The following ZNF667 variants were observed in gnomAD, a reference collection of about 807,000 sequenced individuals.
The protein encoded by ZNF667 is zinc finger protein 667.
ZNF667 carries 13 observed loss-of-function variants against 31.8 expected under a neutral mutation model. That is an observed-to-expected ratio of 0.41 (90% confidence interval 0.27 to 0.65). ZNF667 has a LOEUF of 0.65. Ranked by LOEUF, ZNF667 falls within the 30% of genes least tolerant of loss-of-function variation. The pLI is 0.32. For missense variants in ZNF667, 642 were observed against 725.6 expected, an observed-to-expected ratio of 0.88 and a Z score of 1.32; for synonymous variants, 228 against 247.1, an observed-to-expected ratio of 0.92 and a Z score of 0.73.
At chr19:56,461,628 C>A (rs765952258) in intron 4 of ZNF667, among the ~76,000 whole-genome samples, 8 of 152,176 alleles carry the variant, frequency 5.3e-5, no homozygotes, top group Non-Finnish European at 1.0e-4. Context: ...TAAACACGTG[C>A]TGTTTTGAGC....
chr19:56,449,632 A>G (rs1227648405), intron 6 of ZNF667: 1 of 168,500 alleles, frequency 5.9e-6, no homozygotes, highest in Non-Finnish European at 1.3e-5. Context: ...CAGTGAGCCG[A>G]GATCATGCCA....
At chr19:56,469,925 G>T in intron 3 of ZNF667, 2 of 493,916 alleles carry the variant, frequency 4.0e-6, no homozygotes, top group South Asian at 1.5e-5. Flanking sequence ...CACTAAACCG[G>T]GGTAGGGGTA....
intron 4 of ZNF667, among the ~76,000 whole-genome samples, chr19:56,461,526 T>C (rs1275386737): frequency 6.6e-6 from 1 of 152,216 alleles, no homozygotes; most frequent in African/African-American, 2.4e-5. Context: ...CACAGCCGGC[T>C]GACACCTTGA....
chr19:56,452,116 T>G (rs1287440852), intron 6 of ZNF667, among the ~76,000 whole-genome samples: 2 of 151,840 alleles, frequency 1.3e-5, no homozygotes, highest in Admixed American at 1.3e-4. Flanking sequence ...TGGCGCGATC[T>G]TGGCTCACTG....
At chr19:56,452,545 A>G (rs2042853021) in intron 6 of ZNF667, among the ~76,000 whole-genome samples, 1 of 152,186 alleles carries the variant, frequency 6.6e-6, no homozygotes, top group South Asian at 2.1e-4. Context: ...CTAGAAAACC[A>G]AGAGCAAACC....
At chr19:56,460,030 C>T (rs749256552) in intron 5 of ZNF667, among the ~76,000 whole-genome samples, 19 of 151,986 alleles carry the variant, frequency 1.3e-4, no homozygotes, top group Non-Finnish European at 2.4e-4. Flanking sequence ...TCAAGAGTTA[C>T]CTACAGAGTT....
At chr19:56,477,821 G>A (rs935330819), upstream of ZNF667, 2 of 152,404 alleles carry the variant, frequency 1.3e-5, no homozygotes, top group Non-Finnish European at 2.9e-5. Flanking sequence ...CACCCGCGGA[G>A]GCGGACACCG....
At chr19:56,451,868 CAAAAAAAAAAAAAAAAA>C (rs71184363) in intron 6 of ZNF667, among the ~76,000 whole-genome samples, 16 of 80,948 alleles carry the variant, frequency 2.0e-4, no homozygotes, top group East Asian at 8.7e-4. Flanking sequence ...GACCCTGTCT[CAAAAAAAAAAAAAAAAA>C]AAAAAAAAAA....
intron 6 of ZNF667, among the ~76,000 whole-genome samples, chr19:56,448,702 G>A (rs2042757382): frequency 6.6e-6 from 1 of 151,820 alleles, no homozygotes; most frequent in Non-Finnish European, 1.5e-5. Flanking sequence ...TCCTGGACAA[G>A]ATTTCTAGAC....
intron 1 of ZNF667, chr19:56,474,685 T>G (rs1159567660): frequency 6.6e-6 from 1 of 152,508 alleles, no homozygotes; most frequent in Non-Finnish European, 1.5e-5. Flanking sequence ...GAGCCTGAGC[T>G]GCAGGCACTC....
intron 3 of ZNF667, among the ~76,000 whole-genome samples, chr19:56,467,390 A>G (rs904187494): frequency 3.9e-5 from 6 of 152,198 alleles, no homozygotes; most frequent in African/African-American, 1.4e-4. Flanking sequence ...AATGGAAAAC[A>G]CACAAACCAT....
chr19:56,461,146 C>T (rs1056859129), intron 4 of ZNF667, among the ~76,000 whole-genome samples: 4 of 152,074 alleles, frequency 2.6e-5, no homozygotes, highest in South Asian at 2.1e-4. Flanking sequence ...GCACTGTCAG[C>T]GGAATCACAG....
chr19:56,444,384 T>C, intron 6 of ZNF667: 1 of 395,564 alleles, frequency 2.5e-6, no homozygotes. Context: ...TCAGATTTTG[T>C]AAGAATCACT....
intron 4 of ZNF667, 74 bp downstream of exon 4, chr19:56,462,264 G>A (rs985214130): frequency 6.3e-7 from 1 of 1,581,798 alleles, no homozygotes; most frequent in Non-Finnish European, 8.7e-7. Context: ...AAGTCTCCAT[G>A]GAAGGAAAGC....
intron 6 of ZNF667, chr19:56,444,126 T>A (rs2042674373): frequency 5.0e-6 from 2 of 397,924 alleles, no homozygotes; most frequent in Admixed American, 4.4e-5. Flanking sequence ...TAAAATTAAT[T>A]TTACCTGTTT....
intron 6 of ZNF667, among the ~76,000 whole-genome samples, chr19:56,447,028 A>G (rs2042723236): frequency 6.6e-6 from 1 of 152,208 alleles, no homozygotes; most frequent in Non-Finnish European, 1.5e-5. Flanking sequence ...AATTAGTTCA[A>G]TATAAAGTAC....
At chr19:56,452,135 G>A (rs527992027) in intron 6 of ZNF667, among the ~76,000 whole-genome samples, 56 of 149,904 alleles carry the variant, frequency 3.7e-4, no homozygotes, top group African/African-American at 1.4e-3. Flanking sequence ...TGCAACCTCT[G>A]CCTCCTGGGT....
chr19:56,454,586 A>T (rs1405719100), intron 6 of ZNF667, among the ~76,000 whole-genome samples: 1 of 151,406 alleles, frequency 6.6e-6, no homozygotes, highest in African/African-American at 2.4e-5. Context: ...GGGAAGGGAC[A>T]GTCTCTTCAA....
intron 6 of ZNF667, among the ~76,000 whole-genome samples, chr19:56,452,876 G>A (rs2042862215): frequency 6.6e-6 from 1 of 150,790 alleles, no homozygotes; most frequent in South Asian, 2.1e-4. Context: ...CCGAGATTGT[G>A]CCACTGCACT....
Sources: allele counts gnomAD v4.1 joint callset (sites outside exome capture counted in the v4.1 genomes callset), GRCh38; gene constraint gnomAD v4.1.1; transcripts MANE v1.5; gene names NCBI Gene and HGNC (gene_info 2026-07-23, HGNC 2026-07-21).